IGFL2: variants seen among roughly 807,000 people sequenced by gnomAD.
IGFL2 encodes the protein IGF like family member 2.
A neutral mutation model predicts 13.9 loss-of-function variants in IGFL2; 7 were observed. That is an observed-to-expected ratio of 0.51 (90% CI 0.29 to 0.95). The LOEUF (loss-of-function observed/expected upper bound fraction) is 0.95, where lower values mean the gene tolerates loss of function less well. Among genes scored for constraint, IGFL2 ranks in the 40% least tolerant of loss-of-function variants. IGFL2 has a pLI of 0.08. For missense variants in IGFL2, 138 were observed against 147.8 expected (o/e 0.93, Z 0.34); for synonymous variants, 55 against 55.8 (o/e 0.99, Z 0.07).
chr19:46,083,137 A>G, the IGFL2 span, among the ~76,000 whole-genome samples: 1 of 152,230 alleles, frequency 6.6e-6, no homozygotes, highest in Non-Finnish European at 1.5e-5. Flanking sequence ...TTTCCTTAAC[A>G]TATAACTGAG....
the IGFL2 span, among the ~76,000 whole-genome samples, chr19:46,172,526 A>G: frequency 2.0e-5 from 3 of 152,242 alleles, no homozygotes; most frequent in Non-Finnish European, 2.9e-5. Context: ...TACGTTCCCC[A>G]GGCTGGTCTT....
chr19:46,153,815 GTGTA>G (rs1973647841), intron 1 of IGFL2, among the ~76,000 whole-genome samples: 1 of 144,264 alleles, frequency 6.9e-6, no homozygotes, highest in South Asian at 2.2e-4. Flanking sequence ...AATTATATAT[GTGTA>G]TATATATATA....
At chr19:46,091,388 CTGTAAGGTGCTTGGCA>C in the IGFL2 span, among the ~76,000 whole-genome samples, 5 of 152,158 alleles carry the variant, frequency 3.3e-5, no homozygotes, top group Non-Finnish European at 5.9e-5. Flanking sequence ...GTCTTCAGTT[CTGTAAGGTGCTTGGCA>C]TGTAAGGTGC....
upstream of IGFL2, among the ~76,000 whole-genome samples, chr19:46,140,352 G>A (rs1320359416): frequency 6.6e-6 from 1 of 152,038 alleles, no homozygotes; most frequent in African/African-American, 2.4e-5. Context: ...CATAAAGAAA[G>A]TCTCAGCTTC....
the IGFL2 span, among the ~76,000 whole-genome samples, chr19:46,132,479 A>G: frequency 5.3e-5 from 8 of 152,198 alleles, no homozygotes; most frequent in African/African-American, 1.9e-4. Context: ...CCAGCACCCA[A>G]AGTTGATAGA....
chr19:46,143,795 G>C (rs1972975381), upstream of IGFL2, among the ~76,000 whole-genome samples: 1 of 152,164 alleles, frequency 6.6e-6, no homozygotes, highest in South Asian at 2.1e-4. Context: ...AGAAAATCAA[G>C]ATTGTGCACA....
chr19:46,179,279 G>A, the IGFL2 span, among the ~76,000 whole-genome samples: 2 of 150,516 alleles, frequency 1.3e-5, no homozygotes, highest in Non-Finnish European at 3.0e-5. Flanking sequence ...AGCTGGTTGT[G>A]GGGTGCGGGG....
chr19:46,185,328 C>T, the IGFL2 span, among the ~76,000 whole-genome samples: 2 of 152,190 alleles, frequency 1.3e-5, no homozygotes, highest in Admixed American at 1.3e-4. Context: ...ACTACCCTTC[C>T]TTAGGGTGGG....
At chr19:46,117,473 T>C in the IGFL2 span, among the ~76,000 whole-genome samples, 226 of 152,136 alleles carry the variant, frequency 1.5e-3, 1 homozygote, top group African/African-American at 3.8e-3. Flanking sequence ...TGTTTGTTTG[T>C]TTGCTTGCTT....
At chr19:46,107,854 A>C in the IGFL2 span, among the ~76,000 whole-genome samples, 1 of 152,172 alleles carries the variant, frequency 6.6e-6, no homozygotes, top group Admixed American at 6.5e-5. Flanking sequence ...GTTGTTGCCA[A>C]ATGGGCCATG....
At chr19:46,178,573 CATTT>C in the IGFL2 span, among the ~76,000 whole-genome samples, 1 of 152,076 alleles carries the variant, frequency 6.6e-6, no homozygotes, top group South Asian at 2.1e-4. Context: ...TAAAAAGAAA[CATTT>C]ATCATCTATT....
the IGFL2 span, chr19:46,212,810 A>C: frequency 1.3e-5 from 2 of 152,106 alleles, no homozygotes; most frequent in Non-Finnish European, 2.9e-5. Context: ...CCAGTGTCTG[A>C]CACAAAGCCT....
the IGFL2 span, chr19:46,204,184 C>T: frequency 2.6e-5 from 4 of 152,350 alleles, no homozygotes; most frequent in East Asian, 7.7e-4. Context: ...ACAGCCAGTG[C>T]TCTCCTGTGT....
the IGFL2 span, among the ~76,000 whole-genome samples, chr19:46,133,900 A>G: frequency 0.42 from 64,264 of 151,810 alleles, 15,779 homozygotes; most frequent in Non-Finnish European, 0.57. Context: ...CCCAGACAAA[A>G]CTTCATTGGA....
the IGFL2 span, among the ~76,000 whole-genome samples, chr19:46,079,937 T>C: frequency 6.6e-6 from 1 of 152,128 alleles, no homozygotes; most frequent in Non-Finnish European, 1.5e-5. Context: ...CCTTGAGCCC[T>C]AAACACAGTA....
the IGFL2 span, among the ~76,000 whole-genome samples, chr19:46,119,512 A>G: frequency 7.1e-6 from 1 of 141,108 alleles, no homozygotes. Flanking sequence ...GGGCCTAAAA[A>G]CAGTCATTCT....
downstream of IGFL2, among the ~76,000 whole-genome samples, chr19:46,166,168 C>T (rs943556063): frequency 2.6e-5 from 4 of 152,168 alleles, no homozygotes; most frequent in Non-Finnish European, 5.9e-5. Context: ...AGATACCTAT[C>T]GGGGGACCTG....
the IGFL2 span, among the ~76,000 whole-genome samples, chr19:46,188,422 C>A: frequency 2.6e-5 from 4 of 152,060 alleles, no homozygotes; most frequent in South Asian, 4.1e-4. Flanking sequence ...CCGCCCCCCC[C>A]ACTCTCCTCT....
chr19:46,082,066 G>GT, the IGFL2 span, among the ~76,000 whole-genome samples: 1 of 152,164 alleles, frequency 6.6e-6, no homozygotes, highest in Admixed American at 6.5e-5. Flanking sequence ...TACATTGGCT[G>GT]TTTCATTCTT....
Sources: allele counts gnomAD v4.1 joint callset (sites outside exome capture counted in the v4.1 genomes callset), GRCh38; gene constraint gnomAD v4.1.1; transcripts MANE v1.5; gene names NCBI Gene and HGNC (gene_info 2026-07-23, HGNC 2026-07-21).